The following MANSC1 variants were observed in gnomAD, a reference collection of about 807,000 sequenced individuals.
The protein encoded by MANSC1 is MANSC domain-containing protein 1.
A neutral mutation model predicts 14.1 loss-of-function variants in MANSC1; 13 were observed. That is an observed-to-expected ratio of 0.92 (90% CI 0.60 to 1.46). The LOEUF (loss-of-function observed/expected upper bound fraction) is 1.46. Ranked by LOEUF, MANSC1 falls within the 40% of genes most tolerant of loss-of-function variation. The pLI is 0.00. For missense variants in MANSC1, 486 were observed against 511.4 expected, an observed-to-expected ratio of 0.95 and a Z score of 0.48; for synonymous variants, 227 against 200.7, an observed-to-expected ratio of 1.13 and a Z score of -1.11.
In MANSC1 at chr12:12,330,335, A is replaced by C; in HGVS notation, c.988T>G (p.Leu330Val). ...GGGTTATACACATTCCCTGTGTTCAAAGTTAGGTTGGAGATTTCTGTAAAC... is the reference window on the plus strand; with the variant it reads ...GGGTTATACACATTCCCTGTGTTCACAGTTAGGTTGGAGATTTCTGTAAAC... ...IPFTEISNLT[L>V]NTGNVYNPTA... Residue 330 changes from leucine (L) to valine (V), a missense_variant, in exon 4 of 4, where the codon TTG becomes GTG. Coordinates refer to ENST00000535902, the MANE Select transcript of MANSC1 (RefSeq NM_018050.4). 6.2e-7 allele frequency: 1 copy of C among 1,614,176 alleles called. No homozygotes were observed. Among genetic ancestry groups the C allele is most frequent in the Non-Finnish European group, 8.5e-7 (1 of 1,180,040 alleles).
intron 3 of MANSC1, among the ~76,000 whole-genome samples, chr12:12,334,336 CT>C (rs760601839): frequency 2.6e-5 from 4 of 151,774 alleles, no homozygotes; most frequent in Non-Finnish European, 5.9e-5. Flanking sequence ...AAATAGAGTT[CT>C]TCCAGAAACA....
intron 3 of MANSC1, among the ~76,000 whole-genome samples, chr12:12,336,728 A>G (rs1862863600): frequency 6.6e-6 from 1 of 151,920 alleles, no homozygotes; most frequent in Admixed American, 6.6e-5. Context: ...AGGTCTCATC[A>G]TGTTGCCCAG....
intron 3 of MANSC1, among the ~76,000 whole-genome samples, chr12:12,333,329 G>A (rs61922025): frequency 0.099 from 15,086 of 152,132 alleles, 766 homozygotes; most frequent in Non-Finnish European, 0.11. Context: ...TTACAGGTGT[G>A]AGCCATCATA....
intron 1 of MANSC1, among the ~76,000 whole-genome samples, chr12:12,349,677 A>T (rs1210803320): frequency 1.3e-5 from 2 of 152,230 alleles, no homozygotes; most frequent in African/African-American, 4.8e-5. Context: ...ATTTACCAAG[A>T]TGCTTATAAC....
chr12:12,333,935 T>C (rs904482580), intron 3 of MANSC1, among the ~76,000 whole-genome samples: 9 of 152,144 alleles, frequency 5.9e-5, no homozygotes, highest in African/African-American at 1.9e-4. Flanking sequence ...TCTTGGTCCG[T>C]AAATATTAGT....
chr12:12,332,665 C>T (rs11054817), intron 3 of MANSC1, among the ~76,000 whole-genome samples: 11,169 of 152,026 alleles, frequency 0.073, 987 homozygotes, highest in East Asian at 0.32. Flanking sequence ...GGATTACAGG[C>T]GCGTGCCACC....
In MANSC1 at chr12:12,330,943, G is replaced by A; in HGVS notation, c.380C>T (p.Thr127Ile). ...YRIITDFPSL[T>I]RNLPSQELPQ... Reference sequence around the variant, plus strand: ...TAACTCTTGGCTTGGCAAATTTCTGGTCAAAGATGGAAAATCTGAAAATGT... The same window carrying A: ...TAACTCTTGGCTTGGCAAATTTCTGATCAAAGATGGAAAATCTGAAAATGT... Residue 127 changes from threonine (T) to isoleucine (I), a missense_variant, in exon 4 of 4, where the codon ACC becomes ATC. Thr to Ile is a moderately conservative substitution (Grantham distance 89, BLOSUM62 -1). Coordinates refer to ENST00000535902, the MANE Select transcript of MANSC1 (RefSeq NM_018050.4). 1 of 1,578,430 alleles carries A rather than the reference G, an allele frequency of 6.3e-7. No individual in the cohort carries two copies. Among genetic ancestry groups the A allele is most frequent in the Non-Finnish European group, 8.6e-7 (1 of 1,164,654 alleles).
rs771298636 is a variant in MANSC1, at chr12:12,343,205, A to G, written c.110T>C (p.Val37Ala). 15 of 1,613,998 alleles carry G rather than the reference A, an allele frequency of 9.3e-6. No individual in the cohort carries two copies. In the South Asian group the frequency reaches 1.4e-4, roughly 15 times the overall value. The change falls in exon 2 of 4, where the codon GTT (valine) becomes GCT (alanine). Residue 37 changes from valine (V) to alanine (A), a missense_variant. Physicochemically the swap from Val to Ala is moderately conservative, Grantham distance 64 (BLOSUM62 0). Coordinates refer to ENST00000535902, the MANE Select transcript of MANSC1 (RefSeq NM_018050.4). The stretch of plus-strand genomic sequence containing the variant: ...AAGAGATGACTGGATGTCAATGACA[A>G]CATCTTCTAGACTCTTTTTGAGGCA... ...QNCLKKSLED[V>A]VIDIQSSLSK...
intron 3 of MANSC1, among the ~76,000 whole-genome samples, chr12:12,332,358 T>C (rs17375328): frequency 0.09 from 13,625 of 152,194 alleles, 662 homozygotes; most frequent in Non-Finnish European, 0.11. Flanking sequence ...ATCTCGTGAC[T>C]ACTCTCTAAG....
intron 3 of MANSC1, 151 bp from the exon 4 acceptor site, chr12:12,331,109 AG>A: frequency 1.7e-6 from 1 of 589,278 alleles, no homozygotes; most frequent in Non-Finnish European, 2.9e-6. Flanking sequence ...TGGGAGGCTA[AG>A]GCAGGAGGAT....
chr12:12,347,455 C>T (rs1162255090), intron 1 of MANSC1, among the ~76,000 whole-genome samples: 1 of 152,230 alleles, frequency 6.6e-6, no homozygotes, highest in Non-Finnish European at 1.5e-5. Flanking sequence ...TGCTCACCTC[C>T]TGCTGTGTGG....
chr12:12,332,834 C>CT (rs1862810309), intron 3 of MANSC1, among the ~76,000 whole-genome samples: 2 of 151,766 alleles, frequency 1.3e-5, no homozygotes, highest in Non-Finnish European at 2.9e-5. Context: ...TTTTATATTT[C>CT]TTTTAATGGC....
chr12:12,342,577 T>TTTTG (rs1862949418), intron 2 of MANSC1, among the ~76,000 whole-genome samples: 1 of 97,076 alleles, frequency 1.0e-5, no homozygotes. Flanking sequence ...GTAGTCAGTG[T>TTTTG]TTTTTTGTTT....
chr12:12,330,563 C>T lies in MANSC1; in HGVS notation c.760G>A (p.Val254Met), dbSNP rs995687363. The change falls in exon 4 of 4, where the codon GTG (valine) becomes ATG (methionine). Residue 254 changes from valine to methionine, a missense_variant. Transcript: ENST00000535902. Reference sequence around the variant, plus strand: ...GGCTGGGAAGTCCCAGAAGGTGTCACTGAAGCATTGGTGGGTAGAAGGGTG... The same window carrying T: ...GGCTGGGAAGTCCCAGAAGGTGTCATTGAAGCATTGGTGGGTAGAAGGGTG... ...PATLLPTNASVTPSGTSQPQL... is the reference protein window; with the variant it reads ...PATLLPTNASMTPSGTSQPQL... 6 of 1,614,074 alleles carry T rather than the reference C, an allele frequency of 3.7e-6. No homozygotes were observed. The highest frequency in any genetic ancestry group is 1.6e-4 in the Middle Eastern group (1 of 6,084).
At chr12:12,342,486 C>G (rs1392181003) in intron 2 of MANSC1, among the ~76,000 whole-genome samples, 1 of 151,348 alleles carries the variant, frequency 6.6e-6, no homozygotes, top group Non-Finnish European at 1.5e-5. Context: ...CTATGGGTCT[C>G]AGTTTCCTCC....
At chr12:12,334,756 T>C (rs1393129944) in intron 3 of MANSC1, among the ~76,000 whole-genome samples, 1 of 152,214 alleles carries the variant, frequency 6.6e-6, no homozygotes, top group South Asian at 2.1e-4. Context: ...CCAGAAGTAT[T>C]AGAAAACAAA....
At chr12:12,331,733 A>G (rs1862792858) in intron 3 of MANSC1, among the ~76,000 whole-genome samples, 1 of 152,160 alleles carries the variant, frequency 6.6e-6, no homozygotes, top group Non-Finnish European at 1.5e-5. Context: ...GGGGCCAGGC[A>G]GGGTCTGGTC....
At position 12,326,873 on chromosome 12, in the gene MANSC1, C is replaced by G. The variant is rs773685687; in HGVS notation, c.*3154G>C. 1 of 151,854 alleles carries G rather than the reference C, an allele frequency of 6.6e-6. No homozygotes were observed. The highest frequency in any genetic ancestry group is 1.9e-4 in the East Asian group (1 of 5,172). The allele number at this position is 151,854 out of a possible 1,614,324, so 9.4% of individuals were successfully genotyped here. A position where few individuals can be genotyped will look rare whatever the true frequency, so the allele number is the denominator to read the frequency against. On this transcript the variant is annotated 3_prime_UTR_variant, in exon 4 of 4. Coordinates refer to ENST00000535902, the MANE Select transcript of MANSC1 (RefSeq NM_018050.4). ...TCGCCTAGGCTGGAGTGCAATGGAG[C>G]GATCTTGGCTCACTGCAACCGCCCC...
At chr12:12,348,261 A>G (rs1238016284) in intron 1 of MANSC1, 1 of 152,218 alleles carries the variant, frequency 6.6e-6, no homozygotes, top group Non-Finnish European at 1.5e-5. Context: ...GCAATAGAAT[A>G]TTTGTAGTAG....
Sources: gnomAD v4.1 joint callset for allele counts (sites outside exome capture counted in the v4.1 genomes callset) on GRCh38, gnomAD v4.1.1 for gene constraint, MANE v1.5 for transcripts, NCBI Gene and HGNC (gene_info 2026-07-23, HGNC 2026-07-21) for gene names.